KIAA1549L: variants seen among roughly 807,000 people sequenced by gnomAD.
KIAA1549L encodes KIAA1549 like.
KIAA1549L carries 88 observed loss-of-function variants against 160.7 expected under a neutral mutation model. The ratio of observed to expected loss-of-function variants is 0.55; its 90% CI spans 0.46 to 0.65. The LOEUF (loss-of-function observed/expected upper bound fraction) is 0.65. Ranked by LOEUF, KIAA1549L falls within the 30% of genes least tolerant of loss-of-function variation. The pLI, the probability that KIAA1549L is intolerant of heterozygous loss-of-function variation, is 0.00. For synonymous variants in KIAA1549L, 950 were observed against 976.7 expected, an observed-to-expected ratio of 0.97 and a Z score of 0.51; for missense variants, 2,258 against 2,437.5, an observed-to-expected ratio of 0.93 and a Z score of 1.55.
chr11:33,664,377 G>T (rs1459145837), intron 20 of KIAA1549L, among the ~76,000 whole-genome samples: 1 of 152,124 alleles, frequency 6.6e-6, no homozygotes, highest in Non-Finnish European at 1.5e-5. Flanking sequence ...GCACATCTCA[G>T]GAACCTGCCT....
intron 1 of KIAA1549L, among the ~76,000 whole-genome samples, chr11:33,384,856 C>CT (rs1198254603): frequency 6.6e-6 from 1 of 150,610 alleles, no homozygotes; most frequent in Non-Finnish European, 1.5e-5. Flanking sequence ...GGATACAAGT[C>CT]TTTTTATCAG....
rs80294396 is a variant in KIAA1549L, at chr11:33,463,709, C to G, written c.239-78093C>G. On this transcript the variant is annotated intron_variant, in intron 1 of 20. Transcript: ENST00000658780. ...GACTGCCTTATGTCATTTTAACTTACTCTCTATGATGTCTTTCCTACATGC... is the reference window on the plus strand; with the variant it reads ...GACTGCCTTATGTCATTTTAACTTAGTCTCTATGATGTCTTTCCTACATGC... Among the ~76,000 whole-genome samples, 206 of 152,324 alleles carry G rather than the reference C, an allele frequency of 1.4e-3. 1 individual carries two copies. The highest frequency in any genetic ancestry group is 4.9e-3 in the African/African-American group (202 of 41,570).
intron 1 of KIAA1549L, among the ~76,000 whole-genome samples, chr11:33,382,259 T>C (rs1459537042): frequency 6.6e-6 from 1 of 152,018 alleles, no homozygotes; most frequent in African/African-American, 2.4e-5. Flanking sequence ...AAAGTGTATA[T>C]GGTGTCCTGG....
At chr11:33,638,440 AT>A (rs200960337) in intron 16 of KIAA1549L, among the ~76,000 whole-genome samples, 260 of 21,144 alleles carry the variant, frequency 0.012, no homozygotes, top group Admixed American at 0.034. Flanking sequence ...AAAAAAATAA[AT>A]AAATAAATAA....
At chr11:33,633,234 G>C (rs201715064) in intron 16 of KIAA1549L, among the ~76,000 whole-genome samples, 1 of 143,432 alleles carries the variant, frequency 7.0e-6, no homozygotes, top group African/African-American at 2.6e-5. Flanking sequence ...CCTGACCTCA[G>C]GTGATCTGCC....
chr11:33,583,409 GTCATCA>G lies in KIAA1549L; in HGVS notation c.4487_4492del (p.Ile1496_Ile1497del). On this transcript the variant is annotated inframe_deletion, in exon 11 of 21. Transcript: ENST00000658780. Reference sequence around the variant, plus strand: ...GCTGGCGCCCATTGCCGTGGTCACGGTCATCATCATCATCATCACTGCCGTGCTCTG... The same window carrying G: ...GCTGGCGCCCATTGCCGTGGTCACGGTCATCATCATCACTGCCGTGCTCTG... 6.3e-7 allele frequency: 1 copy of G among 1,592,806 alleles called. No individual in the cohort carries two copies. Among genetic ancestry groups the G allele is most frequent in the Admixed American group, 1.7e-5 (1 of 57,838 alleles).
chr11:33,408,725 C>T (rs1051571280), intron 1 of KIAA1549L, among the ~76,000 whole-genome samples: 2 of 148,100 alleles, frequency 1.4e-5, no homozygotes, highest in African/African-American at 2.5e-5. Flanking sequence ...CACATGAGGC[C>T]CGGAGTCTGA....
chr11:33,641,968 G>T (rs1851598953), intron 16 of KIAA1549L, among the ~76,000 whole-genome samples: 1 of 152,088 alleles, frequency 6.6e-6, no homozygotes, highest in African/African-American at 2.4e-5. Context: ...CCAACCCAGG[G>T]TCTAGTACAG....
chr11:33,383,628 A>G (rs1417101448), intron 1 of KIAA1549L, among the ~76,000 whole-genome samples: 3 of 152,186 alleles, frequency 2.0e-5, no homozygotes, highest in African/African-American at 7.2e-5. Context: ...CTAGGCCTGG[A>G]CCCTGCTCTC....
chr11:33,532,207 A>G (rs952951078), intron 1 of KIAA1549L, among the ~76,000 whole-genome samples: 1 of 152,214 alleles, frequency 6.6e-6, no homozygotes, highest in East Asian at 1.9e-4. Flanking sequence ...TCTCACAGGT[A>G]CTATGGAAGA....
intron 1 of KIAA1549L, among the ~76,000 whole-genome samples, chr11:33,436,061 C>T (rs1056634303): frequency 4.7e-5 from 7 of 150,012 alleles, no homozygotes; most frequent in South Asian, 2.1e-4. Context: ...GTACTATAAG[C>T]GATCTGGAGA....
At chr11:33,389,748 A>G (rs1445469255) in intron 1 of KIAA1549L, among the ~76,000 whole-genome samples, 1 of 152,236 alleles carries the variant, frequency 6.6e-6, no homozygotes. Context: ...CAGTCTCCAG[A>G]GTTTGGTACA....
rs1394942738 is a variant in KIAA1549L, at chr11:33,435,796, A to ATGTGTGTGTGTG, written c.238+58908_238+58909insGTGTGTGTGTGT. 3.5e-4 allele frequency among the ~76,000 whole-genome samples: 12 copies of ATGTGTGTGTGTG among 34,660 alleles called. 1 individual carries two copies. The highest frequency in any genetic ancestry group is 6.4e-4 in the East Asian group (1 of 1,564). 22.7% of individuals were successfully genotyped at this position (34,660 alleles called of 152,430 possible). On this transcript the variant is annotated intron_variant, in intron 1 of 20. Coordinates refer to ENST00000658780, the MANE Select transcript of KIAA1549L (RefSeq NM_012194.3). ...TATATATATATATATATATATATAT[A>ATGTGTGTGTGTG]TATATATATATATATGTGTGTGTAT...
At chr11:33,451,367 G>A (rs56403035) in intron 1 of KIAA1549L, among the ~76,000 whole-genome samples, 18,774 of 152,196 alleles carry the variant, frequency 0.12, 1,571 homozygotes, top group African/African-American at 0.24. Context: ...TTATGGGCCC[G>A]AATCTCAACA....
In KIAA1549L at chr11:33,559,788, G is replaced by C. The variant is rs1854778638; in HGVS notation, c.3895G>C (p.Val1299Leu). 6.2e-7 allele frequency: 1 copy of C among 1,613,822 alleles called. No homozygotes were observed. The highest frequency in any genetic ancestry group is 2.2e-5 in the East Asian group (1 of 44,892). ...TSNASQAVTLVYVVGNQSTFL... is the reference protein window; with the variant it reads ...TSNASQAVTLLYVVGNQSTFL... ...CAATGCCTCCCAGGCAGTCACCTTG[G>C]TGTACGTCGTGGGCAATCAGAGCAC... The change falls in exon 7 of 21, where the codon GTG becomes CTG. Residue 1299 changes from valine to leucine, a missense_variant. Physicochemically the swap from Val to Leu is conservative, Grantham distance 32. Coordinates refer to ENST00000658780, the MANE Select transcript of KIAA1549L (RefSeq NM_012194.3).
intron 16 of KIAA1549L, among the ~76,000 whole-genome samples, chr11:33,627,253 A>T (rs1457037935): frequency 6.7e-6 from 1 of 148,962 alleles, no homozygotes; most frequent in Non-Finnish European, 1.5e-5. Context: ...CGTTGGTATC[A>T]GGATGATGCT....
chr11:33,604,732 A>T (rs1007369227), intron 13 of KIAA1549L, among the ~76,000 whole-genome samples: 1 of 152,218 alleles, frequency 6.6e-6, no homozygotes, highest in African/African-American at 2.4e-5. Flanking sequence ...ATTCTCACTC[A>T]TAAGTGGGAG....
chr11:33,536,621 C>G (rs1200680519), intron 1 of KIAA1549L, among the ~76,000 whole-genome samples: 1 of 152,124 alleles, frequency 6.6e-6, no homozygotes, highest in African/African-American at 2.4e-5. Context: ...CAGACTCAAG[C>G]CCACTCAGAT....
At chr11:33,436,687 C>T (rs1454504149) in intron 1 of KIAA1549L, among the ~76,000 whole-genome samples, 3 of 152,244 alleles carry the variant, frequency 2.0e-5, no homozygotes, top group African/African-American at 7.2e-5. Flanking sequence ...GGTTTAACAA[C>T]TTGTTCAAGG....
Sources: gnomAD v4.1 joint callset for allele counts (sites outside exome capture counted in the v4.1 genomes callset) on GRCh38, gnomAD v4.1.1 for gene constraint, MANE v1.5 for transcripts, NCBI Gene and HGNC (gene_info 2026-07-23, HGNC 2026-07-21) for gene names.